PLAC8: variants seen among roughly 807,000 people sequenced by gnomAD.
PLAC8 encodes placenta associated 8, also known as placenta-specific gene 8 protein.
Under a neutral mutation model 12.6 loss-of-function variants are expected in PLAC8, and 6 were observed. The ratio of observed to expected loss-of-function variants is 0.48; its 90% CI spans 0.26 to 0.94. The LOEUF is 0.94. Among genes scored for constraint, PLAC8 ranks in the 40% least tolerant of loss-of-function variants. PLAC8 has a pLI of 0.14. For missense variants in PLAC8, 122 were observed against 152.7 expected (o/e 0.80, Z 1.06); for synonymous variants, 54 against 52.6 (o/e 1.03, Z -0.11).
chr4:83,099,761 G>C (rs763288858), intron 3 of PLAC8, among the ~76,000 whole-genome samples: 47 of 151,616 alleles, frequency 3.1e-4, no homozygotes, highest in Admixed American at 5.3e-4. Flanking sequence ...ACTTTGGAAG[G>C]CCAAGGCAGG....
chr4:83,094,698 G>C lies in PLAC8; in HGVS notation c.337C>G (p.Arg113Gly), dbSNP rs148335977. ...KRDINRRRAM[R>G]TF ...CTCACCATCAGTTTTTAGAAAGTAC[G>C]CATGGCTCTCCTTCTGTTGATATCT... Residue 113 changes from arginine to glycine, a missense_variant, in exon 4 of 5, where the codon CGT (arginine) becomes GGT (glycine). Transcript: ENST00000311507. 6 of 1,597,106 alleles carry C rather than the reference G, an allele frequency of 3.8e-6. No homozygotes were observed. Among genetic ancestry groups the C allele is most frequent in the African/African-American group, 1.3e-5 (1 of 74,340 alleles).
At chr4:83,103,040 G>T (rs1310781020) in intron 3 of PLAC8, among the ~76,000 whole-genome samples, 3 of 142,350 alleles carry the variant, frequency 2.1e-5, no homozygotes, top group South Asian at 2.3e-4. Flanking sequence ...GAGCCGAGAT[G>T]GCGCCACTGC....
chr4:83,112,222 A>T (rs868201140), intron 1 of PLAC8, among the ~76,000 whole-genome samples: 5,245 of 74,072 alleles, frequency 0.071, 402 homozygotes, highest in African/African-American at 0.15. Context: ...ATATATGTAT[A>T]TATATATATA....
At chr4:83,096,742 C>T (rs924892463) in intron 3 of PLAC8, among the ~76,000 whole-genome samples, 24 of 152,174 alleles carry the variant, frequency 1.6e-4, no homozygotes, top group African/African-American at 5.3e-4. Context: ...TATCCTATAA[C>T]TTATTTTTCC....
intron 3 of PLAC8, among the ~76,000 whole-genome samples, chr4:83,095,211 A>G (rs1232071695): frequency 6.6e-6 from 1 of 152,212 alleles, no homozygotes; most frequent in Non-Finnish European, 1.5e-5. Context: ...CTCCAGGGTC[A>G]TGGTGAAGGC....
At chr4:83,099,768 C>T (rs1195622124) in intron 3 of PLAC8, among the ~76,000 whole-genome samples, 7 of 150,878 alleles carry the variant, frequency 4.6e-5, no homozygotes, top group Non-Finnish European at 7.4e-5. Context: ...AAGGCCAAGG[C>T]AGGCGGATCA....
At chr4:83,095,384 G>C (rs1249467166) in intron 3 of PLAC8, among the ~76,000 whole-genome samples, 1 of 151,990 alleles carries the variant, frequency 6.6e-6, no homozygotes. Flanking sequence ...TGGGGTTAAA[G>C]GACTCATAAG....
chr4:83,107,853 G>C lies in PLAC8; in HGVS notation c.69C>G (p.Asn23Lys). 1 of 1,609,026 alleles carries C rather than the reference G, an allele frequency of 6.2e-7. No homozygotes were observed. ...CACACATGCCTGTCTGCCAGTTGGA[G>C]TTCTGGGGGGCCGGACCGGGACCGA... ...PGVGPGPAPQ[N>K]SNWQTGMCDC... The change falls in exon 2 of 5, where the codon AAC becomes AAG. Residue 23 changes from asparagine (N) to lysine (K), a missense_variant. By Grantham distance (94) the Asn-to-Lys change is moderately conservative (BLOSUM62 0). Transcript: ENST00000311507.
At chr4:83,095,918 G>A (rs1490801720) in intron 3 of PLAC8, among the ~76,000 whole-genome samples, 2 of 152,168 alleles carry the variant, frequency 1.3e-5, no homozygotes, top group African/African-American at 2.4e-5. Context: ...CACAGTCACG[G>A]GCAGGGCACT....
At chr4:83,112,818 A>G (rs569178197) in intron 1 of PLAC8, among the ~76,000 whole-genome samples, 103 of 152,230 alleles carry the variant, frequency 6.8e-4, no homozygotes, top group Non-Finnish European at 1.3e-3. Flanking sequence ...AACAACCACA[A>G]TTCTCTTTGC....
chr4:83,105,323 A>G (rs989040740), intron 2 of PLAC8, among the ~76,000 whole-genome samples: 3 of 152,240 alleles, frequency 2.0e-5, no homozygotes, highest in African/African-American at 7.2e-5. Flanking sequence ...CAGTACTGAC[A>G]GTGCCCCTGG....
chr4:83,096,477 T>C (rs1038767250), intron 3 of PLAC8, among the ~76,000 whole-genome samples: 1 of 152,218 alleles, frequency 6.6e-6, no homozygotes, highest in Non-Finnish European at 1.5e-5. Context: ...TTTAAATGCA[T>C]GCTATAGATA....
At chr4:83,098,810 GA>G (rs1206893509) in intron 3 of PLAC8, among the ~76,000 whole-genome samples, 9 of 151,654 alleles carry the variant, frequency 5.9e-5, no homozygotes, top group Admixed American at 1.3e-4. Flanking sequence ...TCTATTTTGT[GA>G]TATCTGGTGT....
intron 1 of PLAC8, among the ~76,000 whole-genome samples, chr4:83,108,684 T>TG (rs1201339567): frequency 6.6e-6 from 1 of 152,198 alleles, no homozygotes; most frequent in Non-Finnish European, 1.5e-5. Context: ...TGAAGAGTGT[T>TG]GCTCGTGTAC....
intron 3 of PLAC8, among the ~76,000 whole-genome samples, chr4:83,099,702 A>T (rs35253632): frequency 0.3 from 46,213 of 151,868 alleles, 7,261 homozygotes; most frequent in East Asian, 0.56. Flanking sequence ...GGTTGTTTAA[A>T]AGTGTGTAGC....
chr4:83,107,213 A>AC (rs889365366), intron 2 of PLAC8, among the ~76,000 whole-genome samples: 7 of 125,988 alleles, frequency 5.6e-5, no homozygotes, highest in African/African-American at 1.8e-4. Flanking sequence ...AAACAAACAA[A>AC]AAAAAAAAAC....
rs1477555668 is a variant in PLAC8 at position 83,090,974 on chromosome 4, A to G, written c.*10-3T>C. ...TTGCTTCGGTAAGAGCTTTTCACCT[A>G]TAAAGGACACACAAGAGTTTTGAAT... On this transcript the variant is annotated splice_region_variant and splice_polypyrimidine_tract_variant and intron_variant, in intron 4 of 4. Coordinates refer to ENST00000311507, the MANE Select transcript of PLAC8 (RefSeq NM_016619.3). The G allele has an allele frequency of 6.7e-6, 1 of 149,980 alleles. No individual in the cohort carries two copies. Among genetic ancestry groups the G allele is most frequent in the Non-Finnish European group, 1.5e-5 (1 of 67,944 alleles). The allele number at this position is 149,980 out of a possible 1,614,324, so 9.3% of individuals were successfully genotyped here.
intron 1 of PLAC8, among the ~76,000 whole-genome samples, chr4:83,109,487 C>T (rs983513747): frequency 1.8e-4 from 27 of 152,180 alleles, no homozygotes; most frequent in Non-Finnish European, 3.8e-4. Flanking sequence ...CCGGCTGAGC[C>T]GATCATTCAG....
At chr4:83,093,457 T>C (rs2868732) in intron 4 of PLAC8, 150,593 of 152,428 alleles carry the variant, frequency 0.99, 74,415 homozygotes, top group Non-Finnish European at 1. Context: ...CAGGTTATTA[T>C]GCCATCCCTT....
Sources: gnomAD v4.1 joint callset for allele counts (sites outside exome capture counted in the v4.1 genomes callset) on GRCh38, gnomAD v4.1.1 for gene constraint, MANE v1.5 for transcripts, NCBI Gene and HGNC (gene_info 2026-07-23, HGNC 2026-07-21) for gene names.